PRKCH: variants seen among roughly 807,000 people sequenced by gnomAD.
The protein encoded by PRKCH is protein kinase C eta, also known as protein kinase C eta type.
A neutral mutation model predicts 82.5 loss-of-function variants in PRKCH; 28 were observed. The ratio of observed to expected loss-of-function variants is 0.34; its 90% CI spans 0.25 to 0.47. The LOEUF is 0.47. Ranked by LOEUF, PRKCH falls within the 20% of genes least tolerant of loss-of-function variation. The probability of loss-of-function intolerance (pLI) is 1.00; values close to 1 mark genes in which losing one functional copy is unlikely to be tolerated. For missense variants in PRKCH, 705 were observed against 881.8 expected, an observed-to-expected ratio of 0.80 and a Z score of 2.54; for synonymous variants, 322 against 327.4, an observed-to-expected ratio of 0.98 and a Z score of 0.18.
At chr14:61,430,748 T>C (rs1390731860) in intron 2 of PRKCH, among the ~76,000 whole-genome samples, 1 of 135,638 alleles carries the variant, frequency 7.4e-6, no homozygotes, top group Non-Finnish European at 1.6e-5. Context: ...AAGCTCTTAA[T>C]CAGCAGCTTC....
intron 1 of PRKCH, among the ~76,000 whole-genome samples, chr14:61,267,573 G>A (rs1302336444): frequency 6.6e-6 from 1 of 152,208 alleles, no homozygotes; most frequent in Admixed American, 6.5e-5. Context: ...GCTGATTCAT[G>A]TTGGCATCCG....
chr14:61,292,724 T>C (rs1250555850), intron 1 of PRKCH, among the ~76,000 whole-genome samples: 2 of 146,084 alleles, frequency 1.4e-5, no homozygotes, highest in African/African-American at 2.5e-5. Flanking sequence ...TGACCCAAGA[T>C]TGAGCTGCTG....
chr14:61,273,591 A>G (rs1279945112), intron 1 of PRKCH, among the ~76,000 whole-genome samples: 3 of 152,234 alleles, frequency 2.0e-5, no homozygotes, highest in Non-Finnish European at 2.9e-5. Context: ...CTCACTATCA[A>G]TGAACTAATG....
upstream of PRKCH, among the ~76,000 whole-genome samples, chr14:61,320,676 G>A (rs2045606302): frequency 6.6e-6 from 1 of 152,198 alleles, no homozygotes; most frequent in Admixed American, 6.5e-5. Flanking sequence ...TGGCCCTCAG[G>A]GAGCAAGCTT....
At chr14:61,276,703 C>CAAGGGCATAT (rs56041857) in intron 1 of PRKCH, among the ~76,000 whole-genome samples, 133,313 of 151,666 alleles carry the variant, frequency 0.88, 58,660 homozygotes, top group Middle Eastern at 0.92. Context: ...TTCTTATATC[C>CAAGGGCATAT]AAGGAACTAG....
intron 1 of PRKCH, among the ~76,000 whole-genome samples, chr14:61,359,139 C>T (rs1444755690): frequency 1.3e-5 from 2 of 152,154 alleles, no homozygotes; most frequent in African/African-American, 2.4e-5. Context: ...AGTAAGTGCT[C>T]ATGAAATGTT....
intron 1 of PRKCH, among the ~76,000 whole-genome samples, chr14:61,282,571 G>T (rs1340481523): frequency 6.6e-6 from 1 of 152,146 alleles, no homozygotes; most frequent in Non-Finnish European, 1.5e-5. Context: ...AGACAAAAAA[G>T]GACCTTTGAC....
At position 61,413,416 on chromosome 14, in the gene PRKCH, C is replaced by CG. The variant is rs1196021113; in HGVS notation, c.427+22128_427+22129insG. Reference sequence around the variant, plus strand: ...TTCTTTTTAAGCGCCCCCCCCCCGCCCCGCCCATGTACCCTGTGCCTATAT... The same window carrying CG: ...TTCTTTTTAAGCGCCCCCCCCCCGCCGCCGCCCATGTACCCTGTGCCTATAT... On this transcript the variant is annotated intron_variant, in intron 2 of 13. Coordinates refer to ENST00000332981, the MANE Select transcript of PRKCH (RefSeq NM_006255.5). Among the ~76,000 whole-genome samples the CG allele has an allele frequency of 1.1e-3, 122 of 106,772 alleles. 2 individuals carry two copies. Among genetic ancestry groups the CG allele is most frequent in the African/African-American group, 3.8e-3 (117 of 30,550 alleles). The allele number at this position is 106,772 out of a possible 152,430, so 70.0% of individuals were successfully genotyped here.
chr14:61,197,535 A>G (rs2044449901), intron 1 of PRKCH, among the ~76,000 whole-genome samples: 1 of 152,126 alleles, frequency 6.6e-6, no homozygotes, highest in African/African-American at 2.4e-5. Flanking sequence ...GTGTGCTAGC[A>G]TGTACTCAGG....
intron 1 of PRKCH, among the ~76,000 whole-genome samples, chr14:61,216,836 G>T (rs978005147): frequency 5.9e-5 from 9 of 152,258 alleles, no homozygotes; most frequent in Non-Finnish European, 1.2e-4. Context: ...ATCTAATATG[G>T]CTGTTTCTTT....
chr14:61,212,518 A>G (rs1462118425), intron 1 of PRKCH, among the ~76,000 whole-genome samples: 1 of 152,110 alleles, frequency 6.6e-6, no homozygotes, highest in East Asian at 1.9e-4. Flanking sequence ...TTCAAGAAAT[A>G]GGAGGTTTTT....
chr14:61,281,833 ATC>A (rs1476634896), intron 1 of PRKCH: 1 of 141,308 alleles, frequency 7.1e-6, no homozygotes, highest in African/African-American at 2.8e-5. Context: ...GTTATGATAA[ATC>A]TGTTTCGAAT....
rs181953511 is a variant in PRKCH at position 61,209,073 on chromosome 14, C to T, written c.-19+21405C>T. Among the ~76,000 whole-genome samples the T allele has an allele frequency of 2.7e-3, 407 of 152,208 alleles. 1 individual carries two copies. The highest frequency in any genetic ancestry group is 8.6e-3 in the African/African-American group (359 of 41,526). On this transcript the variant is annotated intron_variant, in intron 1 of 3. Coordinates refer to the PRKCH transcript ENST00000555185. ...TGCCATTATCAAGGGAATGGCTTTG[C>T]TATTGAGAGAGTGGGTTTGTTATAA...
At chr14:61,532,126 A>T (rs1007448583) in intron 12 of PRKCH, among the ~76,000 whole-genome samples, 6 of 152,198 alleles carry the variant, frequency 3.9e-5, no homozygotes, top group Non-Finnish European at 8.8e-5. Flanking sequence ...AGCCACCTTC[A>T]TCATACTAAT....
chr14:61,299,429 C>T (rs964289036), intron 1 of PRKCH, among the ~76,000 whole-genome samples: 4 of 152,320 alleles, frequency 2.6e-5, no homozygotes, highest in African/African-American at 4.8e-5. Flanking sequence ...TGAGCCCACT[C>T]GCCCAACTCC....
At position 61,397,907 on chromosome 14, in the gene PRKCH, TTAGA is replaced by T. The variant is rs375357139; in HGVS notation, c.427+6624_427+6627del. ...CTGCAGTGAGGGGTCTTCACTGAAC[TTAGA>T]TAGAGCAAGAAAAACTCTTTTACAT... On this transcript the variant is annotated intron_variant, in intron 2 of 13. Transcript: ENST00000332981. Among the ~76,000 whole-genome samples the T allele has an allele frequency of 2.2e-3, 328 of 152,270 alleles. 2 individuals carry two copies. Among genetic ancestry groups the T allele is most frequent in the African/African-American group, 7.1e-3 (297 of 41,562 alleles).
intron 10 of PRKCH, among the ~76,000 whole-genome samples, chr14:61,488,239 C>T (rs988185587): frequency 4.6e-5 from 7 of 152,018 alleles, no homozygotes; most frequent in African/African-American, 1.7e-4. Context: ...GGGAGAATTG[C>T]TTGAGCCCAG....
At chr14:61,259,443 A>G (rs2045027076) in intron 1 of PRKCH, among the ~76,000 whole-genome samples, 1 of 152,238 alleles carries the variant, frequency 6.6e-6, no homozygotes, top group African/African-American at 2.4e-5. Context: ...TCACGTTAAG[A>G]GTAAGAGTGG....
intron 1 of PRKCH, among the ~76,000 whole-genome samples, chr14:61,242,471 C>T (rs892136287): frequency 6.6e-6 from 1 of 152,228 alleles, no homozygotes; most frequent in Admixed American, 6.5e-5. Flanking sequence ...GATCTCAGCT[C>T]ACCACAACCT....
Sources: gnomAD v4.1 joint callset for allele counts (sites outside exome capture counted in the v4.1 genomes callset) on GRCh38, gnomAD v4.1.1 for gene constraint, MANE v1.5 for transcripts, NCBI Gene and HGNC (gene_info 2026-07-23, HGNC 2026-07-21) for gene names.